Variants in TASP1 observed in about 807,000 individuals in gnomAD.
The protein encoded by TASP1 is taspase 1, also known as threonine aspartase 1.
TASP1 carries 16 observed loss-of-function variants against 56.6 expected under a neutral mutation model. The ratio of observed to expected loss-of-function variants is 0.28; its 90% CI spans 0.19 to 0.43. TASP1 has a LOEUF of 0.43. TASP1 is among the 20% of genes least tolerant of loss of function. The probability of loss-of-function intolerance (pLI) is 1.00; values close to 1 mark genes in which losing one functional copy is unlikely to be tolerated. For synonymous variants in TASP1, 179 were observed against 184.2 expected (o/e 0.97, Z 0.23); for missense variants, 393 against 511.6 (o/e 0.77, Z 2.24).
intron 4 of TASP1, chr20:13,614,850 G>A (rs1026867935): frequency 1.9e-5 from 9 of 469,098 alleles, no homozygotes; most frequent in African/African-American, 4.0e-5. Context: ...AGCACACACA[G>A]TACCTGAAAT....
intron 6 of TASP1, among the ~76,000 whole-genome samples, chr20:13,576,425 G>A (rs1286434598): frequency 6.6e-6 from 1 of 151,634 alleles, no homozygotes; most frequent in East Asian, 1.9e-4. Context: ...ATAAAAATGG[G>A]ACTAAAACAA....
chr20:13,518,164 C>T (rs558157047), intron 10 of TASP1, among the ~76,000 whole-genome samples: 6 of 152,170 alleles, frequency 3.9e-5, no homozygotes, highest in East Asian at 1.9e-4. Context: ...CTAAGAATCT[C>T]ATTGAGAGTG....
At chr20:13,257,236 C>T in the TASP1 span, among the ~76,000 whole-genome samples, 1 of 152,156 alleles carries the variant, frequency 6.6e-6, no homozygotes, top group African/African-American at 2.4e-5. Flanking sequence ...GAGTATCGGC[C>T]AGGCTCGATG....
the TASP1 span, among the ~76,000 whole-genome samples, chr20:13,344,076 C>T: frequency 6.6e-6 from 1 of 151,984 alleles, no homozygotes; most frequent in African/African-American, 2.4e-5. Context: ...CCGATTCCAT[C>T]GTTCCTTCAT....
the TASP1 span, among the ~76,000 whole-genome samples, chr20:13,253,935 G>A: frequency 1.3e-5 from 2 of 151,138 alleles, no homozygotes; most frequent in Non-Finnish European, 2.9e-5. Context: ...GTGTATTTAT[G>A]GGCCAGGCAC....
the TASP1 span, among the ~76,000 whole-genome samples, chr20:13,260,280 T>C: frequency 6.6e-6 from 1 of 152,186 alleles, no homozygotes; most frequent in African/African-American, 2.4e-5. Context: ...TACTAGTTTC[T>C]AGTAGCACAC....
intron 1 of TASP1, among the ~76,000 whole-genome samples, chr20:13,632,009 G>A (rs1358409253): frequency 4.6e-5 from 7 of 151,626 alleles, no homozygotes; most frequent in African/African-American, 7.3e-5. Flanking sequence ...CTGCGATCGC[G>A]CCACTGCACT....
At chr20:13,235,732 T>C in the TASP1 span, among the ~76,000 whole-genome samples, 1 of 152,190 alleles carries the variant, frequency 6.6e-6, no homozygotes, top group Non-Finnish European at 1.5e-5. Flanking sequence ...TTACAAATTG[T>C]GTGCTACATG....
chr20:13,517,373 A>C (rs1472740492), intron 10 of TASP1, among the ~76,000 whole-genome samples: 1 of 152,158 alleles, frequency 6.6e-6, no homozygotes, highest in Non-Finnish European at 1.5e-5. Context: ...CTCATGATGC[A>C]TGGAAAGATA....
chr20:13,381,857 T>C, the TASP1 span, among the ~76,000 whole-genome samples: 1 of 152,234 alleles, frequency 6.6e-6, no homozygotes, highest in Admixed American at 6.5e-5. Context: ...TATACATGAT[T>C]TGCGGGGCAA....
chr20:13,326,605 G>A, the TASP1 span, among the ~76,000 whole-genome samples: 7,396 of 151,998 alleles, frequency 0.049, 294 homozygotes, highest in East Asian at 0.15. Flanking sequence ...TTTCCTTAGC[G>A]TTTCATGATG....
At chr20:13,121,897 T>G in the TASP1 span, among the ~76,000 whole-genome samples, 110 of 152,336 alleles carry the variant, frequency 7.2e-4, no homozygotes, top group African/African-American at 2.4e-3. Context: ...TTATTCAAAC[T>G]AAGAAGGCTC....
chr20:13,502,276 T>C (rs2043974629), intron 10 of TASP1, among the ~76,000 whole-genome samples: 1 of 151,980 alleles, frequency 6.6e-6, no homozygotes, highest in African/African-American at 2.4e-5. Context: ...GGTAGCCAAA[T>C]AGATAAGCAA....
intron 13 of TASP1, chr20:13,392,703 G>C: frequency 1.8e-6 from 1 of 550,054 alleles, no homozygotes; most frequent in Non-Finnish European, 3.5e-6. Flanking sequence ...AAAGTAAAAA[G>C]ATTTGGCAGT....
At chr20:13,188,389 TC>T in the TASP1 span, among the ~76,000 whole-genome samples, 4 of 152,162 alleles carry the variant, frequency 2.6e-5, no homozygotes, top group African/African-American at 7.2e-5. Flanking sequence ...CATTTCTATA[TC>T]CCAATAGCAA....
chr20:13,176,580 T>C, the TASP1 span, among the ~76,000 whole-genome samples: 6 of 152,316 alleles, frequency 3.9e-5, no homozygotes, highest in African/African-American at 9.6e-5. Context: ...TGGTGTATTT[T>C]TTTTTGATCT....
chr20:13,570,259 C>CTACGTAATTTGA (rs2046666997), intron 6 of TASP1, among the ~76,000 whole-genome samples: 1 of 151,978 alleles, frequency 6.6e-6, no homozygotes, highest in South Asian at 2.1e-4. Context: ...GGATAATTAC[C>CTACGTAATTTGA]CCATTCCCTA....
At chr20:13,355,313 GAT>G in the TASP1 span, among the ~76,000 whole-genome samples, 1 of 152,126 alleles carries the variant, frequency 6.6e-6, no homozygotes. Flanking sequence ...TGGTTCCTGG[GAT>G]ATAGATCAGA....
intron 11 of TASP1, among the ~76,000 whole-genome samples, chr20:13,463,611 T>C (rs6109896): frequency 0.059 from 8,912 of 152,074 alleles, 368 homozygotes; most frequent in African/African-American, 0.12. Context: ...ACATATCTAA[T>C]AAGAGGTTAA....
Sources: gnomAD v4.1 joint callset for allele counts (sites outside exome capture counted in the v4.1 genomes callset) on GRCh38, gnomAD v4.1.1 for gene constraint, MANE v1.5 for transcripts, NCBI Gene and HGNC (gene_info 2026-07-23, HGNC 2026-07-21) for gene names.